The following ADGRL2 variants were observed in gnomAD, a reference collection of about 807,000 sequenced individuals.
ADGRL2 encodes the protein calcium-independent alpha-latrotoxin receptor 2.
In ADGRL2, 44 loss-of-function variants were observed where a neutral mutation model predicts 157.4. The ratio of observed to expected loss-of-function variants is 0.28; its 90% CI spans 0.22 to 0.36. ADGRL2 has a LOEUF of 0.36. Among genes scored for constraint, ADGRL2 ranks in the 10% least tolerant of loss-of-function variants. The pLI is 1.00. For missense variants in ADGRL2, 1,510 were observed against 1,768.9 expected (o/e 0.85, Z 2.63); for synonymous variants, 585 against 624.7 (o/e 0.94, Z 0.95).
chr1:81,466,171 C>T (rs2078048132), intron 2 of ADGRL2, among the ~76,000 whole-genome samples: 1 of 152,174 alleles, frequency 6.6e-6, no homozygotes, highest in Non-Finnish European at 1.5e-5. Context: ...ATGGCCTAAG[C>T]CCACTGTCAG....
At chr1:81,382,796 A>AT (rs1182442892) in intron 1 of ADGRL2, among the ~76,000 whole-genome samples, 16 of 152,202 alleles carry the variant, frequency 1.1e-4, no homozygotes, top group African/African-American at 3.6e-4. Flanking sequence ...AATATGGAAG[A>AT]TTTTTATTAA....
intron 1 of ADGRL2, among the ~76,000 whole-genome samples, chr1:81,347,649 G>A (rs1275198059): frequency 1.3e-5 from 2 of 152,072 alleles, no homozygotes; most frequent in African/African-American, 2.4e-5. Flanking sequence ...TAATCAAAAA[G>A]GAATCAGAAC....
At chr1:81,399,130 A>AAG (rs920631523) in intron 1 of ADGRL2, among the ~76,000 whole-genome samples, 13 of 152,220 alleles carry the variant, frequency 8.5e-5, no homozygotes, top group Admixed American at 7.2e-4. Context: ...GGCAAAGCAA[A>AAG]AGAGAGAGAG....
intron 2 of ADGRL2, among the ~76,000 whole-genome samples, chr1:81,867,812 T>C (rs2093586101): frequency 1.3e-5 from 2 of 152,154 alleles, no homozygotes; most frequent in South Asian, 4.1e-4. Context: ...TATCCATTTG[T>C]GAAGAACTTA....
In ADGRL2 at chr1:81,991,486, A is replaced by T. The variant is rs1664590128; in HGVS notation, c.*341A>T. 1 of 188,174 alleles carries T rather than the reference A, an allele frequency of 5.3e-6. No homozygotes were observed. Among genetic ancestry groups the T allele is most frequent in the African/African-American group, 2.3e-5 (1 of 42,668 alleles). The allele number at this position is 188,174 out of a possible 1,614,324, so 11.7% of individuals were successfully genotyped here. A position where few individuals can be genotyped will look rare whatever the true frequency, so the allele number is the denominator to read the frequency against. ...GCAGCAGTCTGTGAACTAAATTTGT[A>T]AATATGGCTGCACCATTTTTGTAGG... On this transcript the variant is annotated 3_prime_UTR_variant, in exon 24 of 24. Transcript: ENST00000686636.
Position 81,943,782 on chromosome 1 carries a change from A to T in ADGRL2, c.1210+13A>T. 1.3e-6 allele frequency: 2 copies of T among 1,594,302 alleles called. No homozygotes were observed. Among genetic ancestry groups the T allele is most frequent in the South Asian group, 2.2e-5 (2 of 90,372 alleles). Reference sequence around the variant, plus strand: ...GATCCTGCCCAAGGTAAGCGTGTTTACTTGCTAATGCTTATGTCATTTTGT... The same window carrying T: ...GATCCTGCCCAAGGTAAGCGTGTTTTCTTGCTAATGCTTATGTCATTTTGT... On this transcript the variant is annotated intron_variant, in intron 6 of 23. Coordinates refer to ENST00000686636, the MANE Select transcript of ADGRL2 (RefSeq NM_001366006.2). The surrounding 1 kb of genome is among the most constrained non-coding windows in gnomAD (Gnocchi z 5.6).
At chr1:81,937,529 A>C (rs1162245837) in intron 4 of ADGRL2, among the ~76,000 whole-genome samples, 3 of 151,858 alleles carry the variant, frequency 2.0e-5, no homozygotes, top group African/African-American at 7.2e-5. Flanking sequence ...TCGTACTTCA[A>C]AATTGTATTC....
At chr1:81,356,621 C>T (rs991693439) in intron 1 of ADGRL2, among the ~76,000 whole-genome samples, 4 of 152,226 alleles carry the variant, frequency 2.6e-5, no homozygotes, top group East Asian at 1.9e-4. Context: ...AGCATCTTCT[C>T]AGTGGGATGT....
chr1:81,491,465 T>C (rs2078632045), intron 2 of ADGRL2, among the ~76,000 whole-genome samples: 1 of 152,020 alleles, frequency 6.6e-6, no homozygotes, highest in South Asian at 2.1e-4. Flanking sequence ...TACTCAAGAT[T>C]ATATATTTGT....
chr1:81,505,385 T>A (rs2078950862), intron 2 of ADGRL2, among the ~76,000 whole-genome samples: 1 of 150,596 alleles, frequency 6.6e-6, no homozygotes, highest in Admixed American at 6.6e-5. Flanking sequence ...TCTCAGGGGT[T>A]TGGTCACAAA....
rs146940975 is a variant in ADGRL2, at chr1:81,659,777, C to A, written c.-143+78797C>A. ...TGGTTTACCACATTCTCATCAAATG[C>A]CCTGTAACTGAATTTAACATAGTTG... is the stretch of plus-strand genomic sequence containing the variant. On this transcript the variant is annotated intron_variant, in intron 3 of 24. Transcript: ENST00000370721. Among the ~76,000 whole-genome samples the A allele has an allele frequency of 1.5e-3, 224 of 152,196 alleles. 1 individual carries two copies. In the Middle Eastern group the frequency reaches 0.02, roughly 14 times the overall value.
At chr1:81,757,125 T>C (rs1350387009) in intron 1 of ADGRL2, among the ~76,000 whole-genome samples, 1 of 152,110 alleles carries the variant, frequency 6.6e-6, no homozygotes, top group Admixed American at 6.6e-5. Flanking sequence ...GTAAAAGCTT[T>C]TGTGGGTGAG....
intron 1 of ADGRL2, among the ~76,000 whole-genome samples, chr1:81,725,978 G>A (rs1027040333): frequency 4.0e-5 from 6 of 148,592 alleles, no homozygotes; most frequent in Non-Finnish European, 7.5e-5. Context: ...GCCAGACCAT[G>A]TCTAAAACAA....
At chr1:81,427,483 T>C in intron 1 of ADGRL2, 1 of 754,116 alleles carries the variant, frequency 1.3e-6, no homozygotes, top group Non-Finnish European at 2.4e-6. Context: ...TTTTGGAAAT[T>C]ATAGTGGACA....
chr1:81,916,116 G>A (rs2094849264), intron 3 of ADGRL2, among the ~76,000 whole-genome samples: 1 of 152,030 alleles, frequency 6.6e-6, no homozygotes, highest in African/African-American at 2.4e-5. Context: ...ACAATCAAGT[G>A]TTAAATGTAT....
intron 3 of ADGRL2, among the ~76,000 whole-genome samples, chr1:81,674,901 A>G (rs948716351): frequency 6.6e-6 from 1 of 152,234 alleles, no homozygotes; most frequent in Admixed American, 6.5e-5. Context: ...CCTTGCAGGA[A>G]ACTGTTTCAT....
intron 1 of ADGRL2, among the ~76,000 whole-genome samples, chr1:81,802,714 G>A (rs556434428): frequency 1.3e-5 from 2 of 152,244 alleles, no homozygotes; most frequent in East Asian, 2.0e-4. Flanking sequence ...CGTCCCGCCC[G>A]CTTTGCCCTC....
rs562418913 is a variant in ADGRL2 at position 81,523,702 on chromosome 1, T to C, written c.-247-57174T>C. 3.3e-5 allele frequency among the ~76,000 whole-genome samples: 5 copies of C among 152,268 alleles called. No homozygotes were observed. The South Asian group carries it at 1.0e-3, about 32-fold the overall frequency. ...GGATAACACCCTATGTTGGTGAAGGTTTGGAGAAACTAAATCTCTTCCACT... is the reference window on the plus strand; with the variant it reads ...GGATAACACCCTATGTTGGTGAAGGCTTGGAGAAACTAAATCTCTTCCACT... On this transcript the variant is annotated intron_variant, in intron 2 of 24. Transcript: ENST00000370721.
At chr1:81,436,480 G>A (rs144961877) in intron 1 of ADGRL2, among the ~76,000 whole-genome samples, 12 of 152,096 alleles carry the variant, frequency 7.9e-5, no homozygotes, top group African/African-American at 2.7e-4. Flanking sequence ...TGACCATAAT[G>A]TCTGGGCTCT....
Sources: allele counts gnomAD v4.1 joint callset (sites outside exome capture counted in the v4.1 genomes callset), GRCh38; gene constraint gnomAD v4.1.1; non-coding constraint Gnocchi (gnomAD v3.1); transcripts MANE v1.5; gene names NCBI Gene and HGNC (gene_info 2026-07-23, HGNC 2026-07-21).